The following CERS3 variants were observed in gnomAD, a reference collection of about 807,000 sequenced individuals.
The protein encoded by CERS3 is LAG1 homolog, ceramide synthase 3.
CERS3 carries 33 observed loss-of-function variants against 50.3 expected under a neutral mutation model. That is an observed-to-expected ratio of 0.66 (90% CI 0.50 to 0.88). CERS3 has a LOEUF of 0.88. Among genes scored for constraint, CERS3 ranks in the 40% least tolerant of loss-of-function variants. CERS3 has a pLI of 0.00. For synonymous variants in CERS3, 176 were observed against 155.2 expected (o/e 1.13, Z -0.99); for missense variants, 470 against 460.3 (o/e 1.02, Z -0.19).
Position 100,501,866 on chromosome 15 carries a change from C to G in CERS3, c.-1-16G>C. The G allele has an allele frequency of 6.2e-7, 1 of 1,612,602 alleles. No individual in the cohort carries two copies. The highest frequency in any genetic ancestry group is 8.5e-7 in the Non-Finnish European group (1 of 1,179,148). On this transcript the variant is annotated splice_polypyrimidine_tract_variant and intron_variant, in intron 2 of 11. Transcript: ENST00000679737. ...CCAAAACATTCTAGAGAAATGGAAACAGACATTAGGCTTGTAAAACAAACA... is the reference window on the plus strand; with the variant it reads ...CCAAAACATTCTAGAGAAATGGAAAGAGACATTAGGCTTGTAAAACAAACA...
rs148139207 is a variant in CERS3 at position 100,490,927 on chromosome 15, C to A, written c.178G>T (p.Val60Phe). 2 of 1,568,942 alleles carry A rather than the reference C, an allele frequency of 1.3e-6. No homozygotes were observed. Among genetic ancestry groups the A allele is most frequent in the Middle Eastern group, 1.7e-4 (1 of 5,936 alleles). The change falls in exon 4 of 12, where the codon GTT (valine) becomes TTT (phenylalanine). Residue 60 changes from valine (V) to phenylalanine (F), a missense_variant. Val to Phe is a conservative substitution (Grantham distance 50, BLOSUM62 -1). Coordinates refer to ENST00000679737, the MANE Select transcript of CERS3 (RefSeq NM_001378789.1). ...AATGATTTTGCTAGAGGTGAAGCAA[C>A]AAATCTACAAAAATATGAAAAGAAA... ...LIIRRVFEKF[V>F]ASPLAKSFGI...
chr15:100,465,026 G>A (rs562657578), intron 10 of CERS3, among the ~76,000 whole-genome samples: 41 of 152,202 alleles, frequency 2.7e-4, no homozygotes, highest in African/African-American at 7.7e-4. Context: ...GTCAAAGAAA[G>A]GGCAAGGGAA....
chr15:100,544,622 C>T, intron 1 of CERS3: 1 of 152,658 alleles, frequency 6.6e-6, no homozygotes, highest in Non-Finnish European at 1.5e-5. Flanking sequence ...ACCTGCCGTC[C>T]CCGCACCCGC....
chr15:100,505,378 A>G (rs1282449728), intron 2 of CERS3, among the ~76,000 whole-genome samples: 1 of 152,240 alleles, frequency 6.6e-6, no homozygotes, highest in Non-Finnish European at 1.5e-5. Context: ...GCAATGGATT[A>G]AGATCTGTTG....
In CERS3 at chr15:100,484,538, C is replaced by T; in HGVS notation, c.407+12G>A. 1 of 1,562,740 alleles carries T rather than the reference C, an allele frequency of 6.4e-7. No individual in the cohort carries two copies. Among genetic ancestry groups the T allele is most frequent in the Non-Finnish European group, 8.8e-7 (1 of 1,133,034 alleles). ...ACGGCAGCATTCCTAAAGCTTGGCC[C>T]ATCCTCCTTACCAAGCTTCCTGGAA... On this transcript the variant is annotated intron_variant, in intron 5 of 11. Coordinates refer to ENST00000679737, the MANE Select transcript of CERS3 (RefSeq NM_001378789.1).
chr15:100,478,459 A>G (rs2035202407), intron 7 of CERS3, among the ~76,000 whole-genome samples: 1 of 151,640 alleles, frequency 6.6e-6, no homozygotes, highest in Non-Finnish European at 1.5e-5. Flanking sequence ...CAGTAGCCAG[A>G]GTATCAGTAT....
intron 2 of CERS3, among the ~76,000 whole-genome samples, chr15:100,506,970 T>G (rs1387974344): frequency 6.6e-6 from 1 of 152,184 alleles, no homozygotes; most frequent in Non-Finnish European, 1.5e-5. Flanking sequence ...ATAAAAAAGT[T>G]AAGAAGCCTC....
intron 9 of CERS3, among the ~76,000 whole-genome samples, chr15:100,469,977 G>T (rs768510321): frequency 6.6e-6 from 1 of 152,122 alleles, no homozygotes; most frequent in Admixed American, 6.5e-5. Context: ...GGCAGCTCTC[G>T]GGGTCCTGAA....
intron 1 of CERS3, among the ~76,000 whole-genome samples, chr15:100,541,909 C>T (rs955767550): frequency 1.3e-5 from 2 of 152,236 alleles, no homozygotes; most frequent in South Asian, 2.1e-4. Context: ...GTTAAACTCT[C>T]GGCAAGGCCT....
chr15:100,449,013 A>G (rs547989689), intron 11 of CERS3, among the ~76,000 whole-genome samples: 1 of 152,282 alleles, frequency 6.6e-6, no homozygotes, highest in African/African-American at 2.4e-5. Context: ...TCCCAGTAGC[A>G]GGGCACCCTG....
chr15:100,511,709 A>G (rs796096405), intron 2 of CERS3, among the ~76,000 whole-genome samples: 6 of 6,796 alleles, frequency 8.8e-4, no homozygotes, highest in African/African-American at 1.9e-3. Context: ...TGGGAGCCTG[A>G]TTTCCATTAA....
intron 5 of CERS3, among the ~76,000 whole-genome samples, chr15:100,484,098 G>A (rs1344144546): frequency 1.3e-5 from 2 of 152,066 alleles, no homozygotes; most frequent in African/African-American, 2.4e-5. Context: ...GGCCTTCTCA[G>A]TGTTCTGAGA....
intron 7 of CERS3, among the ~76,000 whole-genome samples, chr15:100,476,954 A>G (rs755004868): frequency 3.9e-5 from 6 of 152,192 alleles, no homozygotes; most frequent in Non-Finnish European, 7.3e-5. Context: ...CCTGCTGAAG[A>G]GGCCACAAAG....
intron 10 of CERS3, among the ~76,000 whole-genome samples, chr15:100,464,699 A>C (rs1292648024): frequency 6.6e-6 from 1 of 152,244 alleles, no homozygotes; most frequent in African/African-American, 2.4e-5. Context: ...CAAACTAGAG[A>C]AATCATTTTT....
At chr15:100,408,835 TAAAC>T (rs2031257157) in intron 11 of CERS3, 1 of 152,234 alleles carries the variant, frequency 6.6e-6, no homozygotes, top group Admixed American at 6.5e-5. Context: ...GGCTCGGGAC[TAAAC>T]AGTTACATCA....
intron 9 of CERS3, among the ~76,000 whole-genome samples, chr15:100,470,838 A>G (rs778669814): frequency 4.6e-5 from 7 of 152,262 alleles, no homozygotes; most frequent in Non-Finnish European, 8.8e-5. Flanking sequence ...GGTAGATGTG[A>G]AGGCTGTTTT....
At chr15:100,519,393 T>TATAG (rs2036580950) in intron 2 of CERS3, among the ~76,000 whole-genome samples, 1 of 150,692 alleles carries the variant, frequency 6.6e-6, no homozygotes. Context: ...GAAATTTAAA[T>TATAG]ATAGATGTCT....
chr15:100,532,058 A>T (rs932733425), upstream of CERS3, among the ~76,000 whole-genome samples: 8 of 143,776 alleles, frequency 5.6e-5, no homozygotes, highest in Non-Finnish European at 9.2e-5. Flanking sequence ...CCACTTAGGA[A>T]CTAGAAGAGG....
chr15:100,506,817 G>C (rs537438102), intron 2 of CERS3, among the ~76,000 whole-genome samples: 32 of 152,262 alleles, frequency 2.1e-4, no homozygotes, highest in African/African-American at 7.0e-4. Context: ...GATGGGTACA[G>C]GGTTTCTTTT....
Sources: gnomAD v4.1 joint callset for allele counts (sites outside exome capture counted in the v4.1 genomes callset) on GRCh38, gnomAD v4.1.1 for gene constraint, MANE v1.5 for transcripts, NCBI Gene and HGNC (gene_info 2026-07-23, HGNC 2026-07-21) for gene names.